Variants in IMPG2 observed in about 807,000 individuals in gnomAD.
The protein encoded by IMPG2 is IPM 200.
A neutral mutation model predicts 129.2 loss-of-function variants in IMPG2; 91 were observed. That is an observed-to-expected ratio of 0.70 (90% confidence interval 0.59 to 0.84). The LOEUF (loss-of-function observed/expected upper bound fraction) is 0.84, where lower values mean the gene tolerates loss of function less well. Among genes scored for constraint, IMPG2 ranks in the 40% least tolerant of loss-of-function variants. The pLI is 0.00. For missense variants in IMPG2, 1,430 were observed against 1,461.7 expected (o/e 0.98, Z 0.35); for synonymous variants, 510 against 517.7 (o/e 0.99, Z 0.20).
intron 4 of IMPG2, among the ~76,000 whole-genome samples, chr3:101,291,172 C>A (rs1255955848): frequency 6.6e-6 from 1 of 152,214 alleles, no homozygotes; most frequent in Non-Finnish European, 1.5e-5. Context: ...ACAATTTCAT[C>A]ATTAGCCTTT....
At chr3:101,298,935 A>T (rs1025624632) in intron 3 of IMPG2, among the ~76,000 whole-genome samples, 2 of 152,070 alleles carry the variant, frequency 1.3e-5, no homozygotes, top group Non-Finnish European at 2.9e-5. Flanking sequence ...CTGAATTTGC[A>T]TGTTGGCCTG....
At chr3:101,230,502 A>G (rs1706273719) in intron 16 of IMPG2, among the ~76,000 whole-genome samples, 1 of 152,194 alleles carries the variant, frequency 6.6e-6, no homozygotes, top group African/African-American at 2.4e-5. Flanking sequence ...CTCATCTCCA[A>G]CATTGCTTCT....
chr3:101,233,160 T>C (rs1706308886), intron 14 of IMPG2, among the ~76,000 whole-genome samples, 169 bp from the exon 15 acceptor site: 1 of 152,312 alleles, frequency 6.6e-6, no homozygotes. Context: ...TCACTCATCA[T>C]AGATCAATAA....
intron 14 of IMPG2, among the ~76,000 whole-genome samples, chr3:101,242,177 T>G (rs775210111): frequency 6.6e-6 from 1 of 152,150 alleles, no homozygotes; most frequent in Non-Finnish European, 1.5e-5. Flanking sequence ...AAGAGCTCAC[T>G]CATAGCTATC....
intron 2 of IMPG2, among the ~76,000 whole-genome samples, chr3:101,307,861 C>CA (rs1389931826): frequency 6.6e-6 from 1 of 152,180 alleles, no homozygotes; most frequent in African/African-American, 2.4e-5. Flanking sequence ...TCATCTGAGA[C>CA]AAGGCAAGTC....
In IMPG2 at chr3:101,226,051, G is replaced by A. The variant is rs778176793; in HGVS notation, c.*918C>T. On this transcript the variant is annotated 3_prime_UTR_variant, in exon 19 of 19. Coordinates refer to ENST00000193391, the MANE Select transcript of IMPG2 (RefSeq NM_016247.4). ...CCAAATTAATACACCAGGAACTAGA[G>A]GAGAGACAGGATTTGCCCAAGACAT... 3 of 154,228 alleles carry A rather than the reference G, an allele frequency of 1.9e-5. No homozygotes were observed. 9.6% of individuals were successfully genotyped at this position (154,228 alleles called of 1,614,324 possible).
At chr3:101,286,188 T>C (rs1270209946) in intron 4 of IMPG2, among the ~76,000 whole-genome samples, 1 of 152,126 alleles carries the variant, frequency 6.6e-6, no homozygotes, top group Non-Finnish European at 1.5e-5. Context: ...CCTAGAACAA[T>C]GTCTGGCCTA....
rs762638553 is a variant in IMPG2 at position 101,223,017 on chromosome 3, G to GA, written c.*3951dup. ...TGTTTTTAACCAGTCTTACTATCCT[G>GA]AGGGGAGTGGTTTAACCTGTCTCTT... On this transcript the variant is annotated 3_prime_UTR_variant, in exon 19 of 19. Transcript: ENST00000193391. 8 of 152,212 alleles carry GA rather than the reference G, an allele frequency of 5.3e-5. No homozygotes were observed. The highest frequency in any genetic ancestry group is 1.2e-4 in the Non-Finnish European group (8 of 68,042). The allele number at this position is 152,212 out of a possible 1,614,324, so 9.4% of individuals were successfully genotyped here. A position where few individuals can be genotyped will look rare whatever the true frequency, so the allele number is the denominator to read the frequency against.
chr3:101,312,576 T>G (rs542796552), intron 2 of IMPG2, among the ~76,000 whole-genome samples: 5 of 152,164 alleles, frequency 3.3e-5, no homozygotes, highest in Admixed American at 6.5e-5. Context: ...TGGTGGGATA[T>G]AACACAGTAC....
At chr3:101,281,656 T>G (rs995561746) in intron 4 of IMPG2, among the ~76,000 whole-genome samples, 3 of 152,208 alleles carry the variant, frequency 2.0e-5, no homozygotes, top group African/African-American at 7.2e-5. Flanking sequence ...GAATTAAGGT[T>G]GCAAGTAGAA....
intron 7 of IMPG2, among the ~76,000 whole-genome samples, chr3:101,269,799 A>G (rs1265840945): frequency 1.3e-5 from 2 of 152,094 alleles, no homozygotes; most frequent in Non-Finnish European, 1.5e-5. Flanking sequence ...GTGCTTTAAT[A>G]TTAATTTTTC....
intron 4 of IMPG2, among the ~76,000 whole-genome samples, chr3:101,280,239 A>G (rs1706878489): frequency 6.6e-6 from 1 of 152,228 alleles, no homozygotes; most frequent in Non-Finnish European, 1.5e-5. Context: ...CACATAGAAC[A>G]TATATTTAAA....
intron 3 of IMPG2, among the ~76,000 whole-genome samples, chr3:101,299,850 AC>A (rs1456077252): frequency 5.3e-5 from 8 of 152,146 alleles, no homozygotes; most frequent in Admixed American, 5.2e-4. Context: ...AGGGTGTCTG[AC>A]AACCCCTGTT....
intron 11 of IMPG2, among the ~76,000 whole-genome samples, chr3:101,252,117 T>C (rs1706551029): frequency 6.6e-6 from 1 of 151,882 alleles, no homozygotes. Flanking sequence ...CTTGCCATCA[T>C]TAAGCGGCAG....
chr3:101,304,191 G>A lies in IMPG2; in HGVS notation c.456C>T (p.Gly152=). The A allele has an allele frequency of 6.2e-7, 1 of 1,613,748 alleles. No homozygotes were observed. The highest frequency in any genetic ancestry group is 8.5e-7 in the Non-Finnish European group (1 of 1,179,738). The part of the protein sequence containing the change: ...EDGVTSIFEM[G]TNFSESVEHR... Reference sequence around the variant, plus strand: ...GTTCCACAGATTCACTAAAATTTGTGCCCATTTCAAATATACTTGTGACTC... The same window carrying A: ...GTTCCACAGATTCACTAAAATTTGTACCCATTTCAAATATACTTGTGACTC... The change falls in exon 3 of 19, where the codon GGC becomes GGT. Residue 152 remains glycine, a synonymous_variant. Transcript: ENST00000193391.
Position 101,271,784 on chromosome 3 carries a change from A to C in IMPG2, c.828+1797T>G, listed in dbSNP as rs556860325. Among the ~76,000 whole-genome samples the C allele has an allele frequency of 1.0e-3, 158 of 152,352 alleles. 1 individual carries two copies. Among genetic ancestry groups the C allele is most frequent in the African/African-American group, 3.5e-3 (144 of 41,586 alleles). ...AAAAGGAAGGGGACTCTGTAGAAGA[A>C]GGAGTACTTTGAAAGGCAGTAGGAG... On this transcript the variant is annotated intron_variant, in intron 7 of 18. Transcript: ENST00000193391.
intron 12 of IMPG2, 143 bp from the exon 13 acceptor site, chr3:101,244,930 C>T: frequency 1.4e-6 from 1 of 698,364 alleles, no homozygotes; most frequent in Non-Finnish European, 2.5e-6. Flanking sequence ...ATCTAGCAAA[C>T]AACAAGAAGA....
rs542620598 is a variant in IMPG2 at position 101,253,747 on chromosome 3, T to C, written c.1188A>G (p.Leu396=). 21 of 1,611,812 alleles carry C rather than the reference T, an allele frequency of 1.3e-5. No homozygotes were observed. Among genetic ancestry groups the C allele is most frequent in the Non-Finnish European group, 1.8e-5 (21 of 1,178,938 alleles). The change falls in exon 11 of 19, where the codon CTA becomes CTG. Residue 396 remains leucine (L), a synonymous_variant. Coordinates refer to ENST00000193391, the MANE Select transcript of IMPG2 (RefSeq NM_016247.4). ...GACTTGAACTTTGGGTGTTCCAAAC[T>C]AGATCTTCAGTTTGGTGACGCAAAA... ...RGVLRHQTED[L]VWNTQSSSLQ... is the part of the protein sequence containing the mutation.
intron 2 of IMPG2, among the ~76,000 whole-genome samples, chr3:101,315,765 C>A (rs1304533492): frequency 6.6e-6 from 1 of 151,768 alleles, no homozygotes; most frequent in Non-Finnish European, 1.5e-5. Flanking sequence ...TTTCAGCAGC[C>A]CTTTTGTAAA....
Sources: allele counts gnomAD v4.1 joint callset (sites outside exome capture counted in the v4.1 genomes callset), GRCh38; gene constraint gnomAD v4.1.1; transcripts MANE v1.5; gene names NCBI Gene and HGNC (gene_info 2026-07-23, HGNC 2026-07-21).